Variants in QRFPR observed in about 807,000 individuals in gnomAD.
QRFPR encodes pyroglutamylated RFamide peptide receptor.
Under a neutral mutation model 31.3 loss-of-function variants are expected in QRFPR, and 37 were observed. That is an observed-to-expected ratio of 1.18 (90% CI 0.91 to 1.56). The LOEUF is 1.56. Among genes scored for constraint, QRFPR ranks in the 40% most tolerant of loss-of-function variants. The pLI, the probability that QRFPR is intolerant of heterozygous loss-of-function variation, is 0.00. For synonymous variants in QRFPR, 197 were observed against 192.0 expected (o/e 1.03, Z -0.22); for missense variants, 542 against 532.5 (o/e 1.02, Z -0.18).
rs181663724 is a variant in QRFPR at position 121,364,294 on chromosome 4, C to T, written c.340+16014G>A. Reference sequence around the variant, plus strand: ...ATGTTACCGAATGTAACAGAAAAAACTTGAATGGAATGAGAGAAAGGGGTT... The same window carrying T: ...ATGTTACCGAATGTAACAGAAAAAATTTGAATGGAATGAGAGAAAGGGGTT... On this transcript the variant is annotated intron_variant, in intron 1 of 5. Coordinates refer to ENST00000394427, the MANE Select transcript of QRFPR (RefSeq NM_198179.3). Among the ~76,000 whole-genome samples the T allele has an allele frequency of 7.8e-4, 117 of 150,176 alleles. 5 individuals are homozygous for T. The highest frequency in any genetic ancestry group is 1.5e-3 in the Non-Finnish European group (103 of 67,580).
At chr4:121,356,203 C>T (rs1725866737) in intron 1 of QRFPR, among the ~76,000 whole-genome samples, 2 of 152,172 alleles carry the variant, frequency 1.3e-5, no homozygotes, top group South Asian at 4.1e-4. Context: ...CTATCTCTGT[C>T]TTTAGCTCTA....
intron 1 of QRFPR, among the ~76,000 whole-genome samples, chr4:121,350,832 T>C (rs1267400134): frequency 2.6e-5 from 4 of 152,222 alleles, no homozygotes; most frequent in Non-Finnish European, 4.4e-5. Context: ...TATAAGCCAA[T>C]ACTAATTCCA....
chr4:121,340,266 G>C, intron 2 of QRFPR, 186 bp downstream of exon 2: 1 of 612,586 alleles, frequency 1.6e-6, no homozygotes, highest in South Asian at 2.1e-5. Context: ...TTTCAGTTTT[G>C]AGGTCAGCCT....
At chr4:121,353,974 C>T (rs1445874546) in intron 1 of QRFPR, among the ~76,000 whole-genome samples, 5 of 151,936 alleles carry the variant, frequency 3.3e-5, no homozygotes, top group African/African-American at 1.2e-4. Flanking sequence ...CTGTCCTTTC[C>T]CTAGTATATG....
At chr4:121,361,254 A>G (rs554094670) in intron 1 of QRFPR, among the ~76,000 whole-genome samples, 1 of 150,202 alleles carries the variant, frequency 6.7e-6, no homozygotes, top group South Asian at 2.1e-4. Context: ...TTTGAATCAG[A>G]TGGATCCAGT....
chr4:121,380,593 T>C lies in QRFPR; in HGVS notation c.55A>G (p.Asn19Asp). The change falls in exon 1 of 6, where the codon AAC becomes GAC. Residue 19 changes from asparagine (N) to aspartate (D), a missense_variant. By Grantham distance (23) the Asn-to-Asp change is conservative. Transcript: ENST00000394427. ...GCGATGAACTGCTCCCGCGTCAGGT[T>C]GTGGTCCCGCAGCAGCCGAGAGAAC... ...EQFSRLLRDHNLTREQFIALY... is the reference protein window; with the variant it reads ...EQFSRLLRDHDLTREQFIALY... 1 of 1,605,000 alleles carries C rather than the reference T, an allele frequency of 6.2e-7. No individual in the cohort carries two copies.
intron 1 of QRFPR, among the ~76,000 whole-genome samples, chr4:121,349,916 C>G (rs1725732082): frequency 6.6e-6 from 1 of 151,958 alleles, no homozygotes; most frequent in African/African-American, 2.4e-5. Context: ...TTTATACATG[C>G]AATAGAAAAA....
chr4:121,372,526 A>G (rs897751032), intron 1 of QRFPR, among the ~76,000 whole-genome samples: 3 of 152,174 alleles, frequency 2.0e-5, no homozygotes, highest in Admixed American at 1.3e-4. Flanking sequence ...TATCTGTTTC[A>G]AAAACTTTTT....
chr4:121,336,964 G>T, intron 2 of QRFPR, 96 bp from the exon 3 acceptor site: 1 of 1,105,340 alleles, frequency 9.0e-7, no homozygotes, highest in Non-Finnish European at 1.4e-6. Flanking sequence ...TGAGAGGGCA[G>T]CTGTTCTCTG....
rs559748717 is a variant in QRFPR, at chr4:121,357,063, T to A, written c.341-16453A>T. On this transcript the variant is annotated intron_variant, in intron 1 of 5. Coordinates refer to ENST00000394427, the MANE Select transcript of QRFPR (RefSeq NM_198179.3). The stretch of plus-strand genomic sequence containing the variant: ...GCACAGGGTGTTTGTATTAGTTTCC[T>A]ACTGGTGCTGTAACAAAGTACCACA... Among the ~76,000 whole-genome samples, 4 of 152,284 alleles carry A rather than the reference T, an allele frequency of 2.6e-5. No individual in the cohort carries two copies. In the South Asian group the frequency reaches 8.3e-4, roughly 32 times the overall value.
In QRFPR at chr4:121,340,108, CAAAAAAAAAAAAAAA is replaced by C. The variant is rs58311512; in HGVS notation, c.499+329_499+343del. The C allele has an allele frequency of 2.4e-3, 320 of 131,598 alleles. 1 individual carries two copies. Among genetic ancestry groups the C allele is most frequent in the Non-Finnish European group, 3.3e-3 (242 of 73,584 alleles). The allele number at this position is 131,598 out of a possible 1,614,324, so 8.2% of individuals were successfully genotyped here. A position where few individuals can be genotyped will look rare whatever the true frequency, so the allele number is the denominator to read the frequency against. ...GGGCAATGTAGTTGACACTCTGTCT[CAAAAAAAAAAAAAAA>C]AAAAAAAAAGATAGTTCTCAATCTA... On this transcript the variant is annotated intron_variant, in intron 2 of 5. Coordinates refer to ENST00000394427, the MANE Select transcript of QRFPR (RefSeq NM_198179.3).
Position 121,333,061 on chromosome 4 carries a change from A to G in QRFPR, c.562-5T>C, listed in dbSNP as rs201762984. 6.4e-7 allele frequency: 1 copy of G among 1,570,786 alleles called. No homozygotes were observed. Among genetic ancestry groups the G allele is most frequent in the East Asian group, 2.2e-5 (1 of 44,598 alleles). ...ATATAGGAAGTCATATTTGATCTTC[A>G]TAATAAGAATAATTCATTAAAAGAA... On this transcript the variant is annotated splice_polypyrimidine_tract_variant and splice_region_variant and intron_variant, in intron 3 of 5. Coordinates refer to ENST00000394427, the MANE Select transcript of QRFPR (RefSeq NM_198179.3).
intron 1 of QRFPR, among the ~76,000 whole-genome samples, chr4:121,358,569 C>A (rs1725914305): frequency 6.6e-6 from 1 of 151,840 alleles, no homozygotes; most frequent in Non-Finnish European, 1.5e-5. Context: ...GTTTCTGAAT[C>A]ATTTTCTTTA....
At chr4:121,352,623 G>A (rs1725784541) in intron 1 of QRFPR, among the ~76,000 whole-genome samples, 1 of 151,826 alleles carries the variant, frequency 6.6e-6, no homozygotes, top group Admixed American at 6.6e-5. Context: ...TATTTACCAG[G>A]TACATGTGAT....
At chr4:121,334,611 G>T in intron 3 of QRFPR, 1 of 386,470 alleles carries the variant, frequency 2.6e-6, no homozygotes, top group Admixed American at 2.8e-5. Flanking sequence ...TTTCTATTCA[G>T]GGTAAAGCCT....
At chr4:121,331,183 T>C (rs1401249422) in intron 4 of QRFPR, among the ~76,000 whole-genome samples, 1 of 136,834 alleles carries the variant, frequency 7.3e-6, no homozygotes, top group South Asian at 2.5e-4. Flanking sequence ...GGGTTTTTTT[T>C]TTTTTTTTTT....
At chr4:121,371,238 A>C (rs758912504) in intron 1 of QRFPR, among the ~76,000 whole-genome samples, 22 of 152,234 alleles carry the variant, frequency 1.4e-4, no homozygotes, top group Non-Finnish European at 4.4e-5. Flanking sequence ...TACAGGTAGG[A>C]CTAATTTAGT....
Position 121,329,684 on chromosome 4 carries a change from G to T in QRFPR, c.926C>A (p.Thr309Lys), listed in dbSNP as rs752554499. ...SNFEKEYDDV[T>K]IKMIFAIVQI... is the part of the protein sequence containing the mutation. ...CACGATAGCAAAAATCATCTTGATT[G>T]TGACATCATCATATTCCTTTTCAAA... is the stretch of plus-strand genomic sequence containing the variant. The change falls in exon 6 of 6, where the codon ACA becomes AAA. Residue 309 changes from threonine to lysine, a missense_variant. By Grantham distance (78) the Thr-to-Lys change is moderately conservative (BLOSUM62 -1). Coordinates refer to ENST00000394427, the MANE Select transcript of QRFPR (RefSeq NM_198179.3). 1 of 1,565,750 alleles carries T rather than the reference G, an allele frequency of 6.4e-7. No individual in the cohort carries two copies. The highest frequency in any genetic ancestry group is 8.7e-7 in the Non-Finnish European group (1 of 1,155,350).
intron 1 of QRFPR, among the ~76,000 whole-genome samples, chr4:121,367,760 T>C (rs1726155444): frequency 6.7e-6 from 1 of 150,216 alleles, no homozygotes; most frequent in Non-Finnish European, 1.5e-5. Flanking sequence ...GGGTCATTCA[T>C]TGTCACAGCA....
Sources: gnomAD v4.1 joint callset for allele counts (sites outside exome capture counted in the v4.1 genomes callset) on GRCh38, gnomAD v4.1.1 for gene constraint, MANE v1.5 for transcripts, NCBI Gene and HGNC (gene_info 2026-07-23, HGNC 2026-07-21) for gene names.